ICAM1: variants seen among roughly 807,000 people sequenced by gnomAD.
ICAM1 encodes the protein intercellular adhesion molecule 1, also known as ICAM-1.
A neutral mutation model predicts 42.3 loss-of-function variants in ICAM1; 28 were observed. The ratio of observed to expected loss-of-function variants is 0.66; its 90% CI spans 0.49 to 0.91. The LOEUF is 0.91. Ranked by LOEUF, ICAM1 falls within the 40% of genes least tolerant of loss-of-function variation. ICAM1 has a pLI of 0.00. For missense variants in ICAM1, 637 were observed against 688.6 expected (o/e 0.93, Z 0.84); for synonymous variants, 304 against 305.9 (o/e 0.99, Z 0.07).
chr19:10,282,700 TTG>T (rs934576715), intron 2 of ICAM1, among the ~76,000 whole-genome samples: 30 of 145,532 alleles, frequency 2.1e-4, no homozygotes, highest in Non-Finnish European at 2.8e-4. Context: ...GTTTTTTTTT[TTG>T]TTTTGTTTTG....
rs574173266 is a variant in ICAM1 at position 10,272,603 on chromosome 19, C to T, written c.67+1377C>T. ...TTTTTGAGACGGAGTCTCACTCTGT[C>T]GCCCAGGCTGGAGTGCAGTGGCGTG... On this transcript the variant is annotated intron_variant, in intron 1 of 6. Coordinates refer to ENST00000264832, the MANE Select transcript of ICAM1 (RefSeq NM_000201.3). Among the ~76,000 whole-genome samples, 515 of 123,834 alleles carry T rather than the reference C, an allele frequency of 4.2e-3. 2 individuals carry two copies. Among genetic ancestry groups the T allele is most frequent in the South Asian group, 6.1e-3 (24 of 3,924 alleles). 81.2% of individuals were successfully genotyped at this position (123,834 alleles called of 152,430 possible).
Position 10,278,561 on chromosome 19 carries a change from TTTTTTTTTTTC to T in ICAM1, c.331+3542_331+3552del, listed in dbSNP as rs1272937537. Reference sequence around the variant, plus strand: ...TGCCTGATAGGTCTTTTTTTTTTTTTTTTTTTTTTTCTTTTTTTTGACACACAGTCTTGCTC... The same window carrying T: ...TGCCTGATAGGTCTTTTTTTTTTTTTTTTTTTTTGACACACAGTCTTGCTC... On this transcript the variant is annotated intron_variant, in intron 2 of 6. Transcript: ENST00000264832. Among the ~76,000 whole-genome samples the T allele has an allele frequency of 3.6e-4, 36 of 99,222 alleles. 1 individual carries two copies. The highest frequency in any genetic ancestry group is 2.7e-3 in the East Asian group (10 of 3,750). The allele number at this position is 99,222 out of a possible 152,430, so 65.1% of individuals were successfully genotyped here.
At position 10,283,569 on chromosome 19, in the gene ICAM1, G is replaced by A. The variant is rs770813840; in HGVS notation, c.420G>A (p.Gly140=). 1 of 1,613,312 alleles carries A rather than the reference G, an allele frequency of 6.2e-7. No individual in the cohort carries two copies. The highest frequency in any genetic ancestry group is 1.3e-5 in the African/African-American group (1 of 75,062). Residue 140 remains glycine, a synonymous_variant, in exon 3 of 7, where the codon GGG becomes GGA. Coordinates refer to ENST00000264832, the MANE Select transcript of ICAM1 (RefSeq NM_000201.3). ...NLTLRCQVEG[G]APRANLTVVL... The stretch of plus-strand genomic sequence containing the variant: ...CCCTACGCTGCCAGGTGGAGGGTGG[G>A]GCACCCCGGGCCAACCTCACCGTGG...
At chr19:10,272,841 C>T (rs2039992088) in intron 1 of ICAM1, among the ~76,000 whole-genome samples, 1 of 152,110 alleles carries the variant, frequency 6.6e-6, no homozygotes, top group African/African-American at 2.4e-5. Context: ...ACCCCGTAAG[C>T]CCCTTCTTTC....
Position 10,274,834 on chromosome 19 carries a change from T to C in ICAM1, c.137T>C (p.Val46Ala). 6.2e-7 allele frequency: 1 copy of C among 1,614,174 alleles called. No homozygotes were observed. Among genetic ancestry groups the C allele is most frequent in the Non-Finnish European group, 8.5e-7 (1 of 1,180,022 alleles). ...CTGCCCCGGGGAGGCTCCGTGCTGG[T>C]GACATGCAGCACCTCCTGTGACCAG... is the stretch of plus-strand genomic sequence containing the variant. ...VILPRGGSVL[V>A]TCSTSCDQPK... Residue 46 changes from valine (V) to alanine (A), a missense_variant, in exon 2 of 7, where the codon GTG becomes GCG. Transcript: ENST00000264832.
At position 10,275,000 on chromosome 19, in the gene ICAM1, A is replaced by C; in HGVS notation, c.303A>C (p.Ser101=). ...MCYSNCPDGQ[S]TAKTFLTVYW... ...ATTCAAACTGCCCTGATGGGCAGTC[A>C]ACAGCTAAAACCTTCCTCACCGTGT... The change falls in exon 2 of 7, where the codon TCA becomes TCC. Residue 101 remains serine, a synonymous_variant. Transcript: ENST00000264832. 1 of 1,614,040 alleles carries C rather than the reference A, an allele frequency of 6.2e-7. No individual in the cohort carries two copies. The highest frequency in any genetic ancestry group is 1.6e-4 in the Middle Eastern group (1 of 6,062).
chr19:10,279,708 G>A (rs1000785397), intron 2 of ICAM1, among the ~76,000 whole-genome samples: 6 of 151,778 alleles, frequency 4.0e-5, no homozygotes, highest in African/African-American at 9.7e-5. Flanking sequence ...GGTCTTGAAC[G>A]CCTGACCGCA....
In ICAM1 at chr19:10,283,975, C is replaced by T. The variant is rs561816781; in HGVS notation, c.638-58C>T. On this transcript the variant is annotated intron_variant, in intron 3 of 6. Transcript: ENST00000264832. ...TCGCAGGAGGGGGAATGAAATGCCCCAGAGAAGGGCTTCGGGACGTCCATC... is the reference window on the plus strand; with the variant it reads ...TCGCAGGAGGGGGAATGAAATGCCCTAGAGAAGGGCTTCGGGACGTCCATC... 93 of 1,560,294 alleles carry T rather than the reference C, an allele frequency of 6.0e-5. No homozygotes were observed. In the African/African-American group the frequency reaches 1.1e-3, roughly 19 times the overall value.
intron 2 of ICAM1, among the ~76,000 whole-genome samples, chr19:10,282,071 C>CT (rs35660845): frequency 0.44 from 63,028 of 144,638 alleles, 13,923 homozygotes; most frequent in Middle Eastern, 0.59. Context: ...TCATTACTGA[C>CT]TTTTTTTTTT....
At position 10,283,715 on chromosome 19, in the gene ICAM1, A is replaced by G; in HGVS notation, c.566A>G (p.Glu189Gly). 1 of 1,613,870 alleles carries G rather than the reference A, an allele frequency of 6.2e-7. No homozygotes were observed. Among genetic ancestry groups the G allele is most frequent in the Non-Finnish European group, 8.5e-7 (1 of 1,179,906 alleles). Residue 189 changes from glutamate (E) to glycine (G), a missense_variant, in exon 3 of 7, where the codon GAA becomes GGA. Coordinates refer to ENST00000264832, the MANE Select transcript of ICAM1 (RefSeq NM_000201.3). Reference protein sequence around the residue: ...HHGANFSCRTELDLRPQGLEL... With the variant: ...HHGANFSCRTGLDLRPQGLEL... The stretch of plus-strand genomic sequence containing the variant: ...GGAGCCAATTTCTCGTGCCGCACTG[A>G]ACTGGACCTGCGGCCCCAAGGGCTG...
At chr19:10,275,253 G>A (rs1258115883) in intron 2 of ICAM1, among the ~76,000 whole-genome samples, 1 of 152,202 alleles carries the variant, frequency 6.6e-6, no homozygotes, top group Non-Finnish European at 1.5e-5. Flanking sequence ...TGTAATCCCA[G>A]CACTTTGAGA....
In ICAM1 at chr19:10,274,847, C is replaced by T. The variant is rs1279602610; in HGVS notation, c.150C>T (p.Thr50=). Residue 50 remains threonine, a synonymous_variant, in exon 2 of 7, where the codon ACC becomes ACT. Transcript: ENST00000264832. ...RGGSVLVTCS[T]SCDQPKLLGI... is the part of the protein sequence containing the mutation. ...GCTCCGTGCTGGTGACATGCAGCAC[C>T]TCCTGTGACCAGCCCAAGTTGTTGG... 3.1e-6 allele frequency: 5 copies of T among 1,614,094 alleles called. No homozygotes were observed. The highest frequency in any genetic ancestry group is 3.3e-5 in the Admixed American group (2 of 60,006).
rs375147918 is a variant in ICAM1, at chr19:10,283,641, G to T, written c.492G>T (p.Gly164=). 3 of 1,613,876 alleles carry T rather than the reference G, an allele frequency of 1.9e-6. No homozygotes were observed. The African/African-American group carries it at 4.0e-5, about 22-fold the overall frequency. ...EKELKREPAV[G]EPAEVTTTVL... is the part of the protein sequence containing the mutation. Reference sequence around the variant, plus strand: ...AGCTGAAACGGGAGCCAGCTGTGGGGGAGCCCGCTGAGGTCACGACCACGG... The same window carrying T: ...AGCTGAAACGGGAGCCAGCTGTGGGTGAGCCCGCTGAGGTCACGACCACGG... The change falls in exon 3 of 7, where the codon GGG becomes GGT. Residue 164 remains glycine, a synonymous_variant. Transcript: ENST00000264832.
In ICAM1 at chr19:10,275,730, C is replaced by T. The variant is rs568088229; in HGVS notation, c.331+702C>T. ...CTTTTTTTTTTTTTTTTTTTTGAGACGGAGTCTCACTCTGTCGCCCAGGCT... is the reference window on the plus strand; with the variant it reads ...CTTTTTTTTTTTTTTTTTTTTGAGATGGAGTCTCACTCTGTCGCCCAGGCT... On this transcript the variant is annotated intron_variant, in intron 2 of 6. Coordinates refer to ENST00000264832, the MANE Select transcript of ICAM1 (RefSeq NM_000201.3). Among the ~76,000 whole-genome samples the T allele has an allele frequency of 7.9e-4, 97 of 122,098 alleles. 2 individuals are homozygous for T. The South Asian group carries it at 0.021, about 26-fold the overall frequency. The allele number at this position is 122,098 out of a possible 152,430, so 80.1% of individuals were successfully genotyped here.
chr19:10,283,841 C>G, intron 3 of ICAM1, 55 bp downstream of exon 3: 2 of 1,514,298 alleles, frequency 1.3e-6, no homozygotes, highest in Non-Finnish European at 1.8e-6. Flanking sequence ...TCCTGCAATG[C>G]GGTGCCTGTG....
In ICAM1 at chr19:10,284,673, G is replaced by A; in HGVS notation, c.1180+16G>A. 6.2e-7 allele frequency: 1 copy of A among 1,613,478 alleles called. No individual in the cohort carries two copies. The highest frequency in any genetic ancestry group is 8.5e-7 in the Non-Finnish European group (1 of 1,179,620). ...CGTGTCCTGTGTGAGTGGGGCTGCTGGTCAATGGCCCCTATCCCCCAAGGC... is the reference window on the plus strand; with the variant it reads ...CGTGTCCTGTGTGAGTGGGGCTGCTAGTCAATGGCCCCTATCCCCCAAGGC... On this transcript the variant is annotated intron_variant, in intron 5 of 6. Coordinates refer to ENST00000264832, the MANE Select transcript of ICAM1 (RefSeq NM_000201.3). The surrounding 1 kb of genome is among the most constrained non-coding windows in gnomAD (Gnocchi z 5.4).
chr19:10,274,868 G>A lies in ICAM1; in HGVS notation c.171G>A (p.Leu57=), dbSNP rs1449920919. Residue 57 remains leucine, a synonymous_variant, in exon 2 of 7, where the codon TTG becomes TTA. Transcript: ENST00000264832. ...TCSTSCDQPK[L]LGIETPLPKK... ...GCACCTCCTGTGACCAGCCCAAGTT[G>A]TTGGGCATAGAGACCCCGTTGCCTA... 6.2e-7 allele frequency: 1 copy of A among 1,614,110 alleles called. No homozygotes were observed. The highest frequency in any genetic ancestry group is 1.3e-5 in the African/African-American group (1 of 74,934).
Position 10,285,336 on chromosome 19 carries a change from A to C in ICAM1, c.*49A>C. ...TCCTCGGCCTTCCCATATTGGTGGCAGTGGTGCCACACTGAACAGAGTGGA... is the reference window on the plus strand; with the variant it reads ...TCCTCGGCCTTCCCATATTGGTGGCCGTGGTGCCACACTGAACAGAGTGGA... On this transcript the variant is annotated 3_prime_UTR_variant, in exon 7 of 7. Coordinates refer to ENST00000264832, the MANE Select transcript of ICAM1 (RefSeq NM_000201.3). 1 of 1,568,140 alleles carries C rather than the reference A, an allele frequency of 6.4e-7. No individual in the cohort carries two copies. The highest frequency in any genetic ancestry group is 1.7e-5 in the Admixed American group (1 of 58,504).
chr19:10,283,371 T>G, intron 2 of ICAM1, 110 bp from the exon 3 acceptor site: 2 of 1,025,588 alleles, frequency 2.0e-6, no homozygotes, highest in Non-Finnish European at 2.8e-6. Context: ...TGTCTGGGCG[T>G]GTTTGGGGGA....
Sources: gnomAD v4.1 joint callset for allele counts (sites outside exome capture counted in the v4.1 genomes callset) on GRCh38, gnomAD v4.1.1 for gene constraint, Gnocchi (gnomAD v3.1) non-coding constraint, MANE v1.5 for transcripts, NCBI Gene and HGNC (gene_info 2026-07-23, HGNC 2026-07-21) for gene names.